Variants in CNTN5 observed in about 807,000 individuals in gnomAD.
CNTN5 encodes contactin 5.
CNTN5 carries 77 observed loss-of-function variants against 129.1 expected under a neutral mutation model. The observed-to-expected ratio is 0.60, with a 90% CI of 0.50 to 0.72. CNTN5 has a LOEUF of 0.72. Ranked by LOEUF, CNTN5 falls within the 30% of genes least tolerant of loss-of-function variation. The pLI, the probability that CNTN5 is intolerant of heterozygous loss-of-function variation, is 0.00. For missense variants in CNTN5, 1,478 were observed against 1,328.8 expected, an observed-to-expected ratio of 1.11 and a Z score of -1.75; for synonymous variants, 509 against 465.6, an observed-to-expected ratio of 1.09 and a Z score of -1.20.
At chr11:100,059,205 C>T (rs764417435) in intron 9 of CNTN5, among the ~76,000 whole-genome samples, 1 of 152,166 alleles carries the variant, frequency 6.6e-6, no homozygotes, top group Non-Finnish European at 1.5e-5. Context: ...TAATCACTTA[C>T]ATTCCCTATG....
rs1167782784 is a variant in CNTN5, at chr11:100,255,870, C to A, written c.2116C>A (p.Leu706Ile). 2 of 1,613,942 alleles carry A rather than the reference C, an allele frequency of 1.2e-6. No homozygotes were observed. The highest frequency in any genetic ancestry group is 2.2e-5 in the South Asian group (2 of 91,076). ...DNHSPISSYN[L>I]QARSPFSLGW... The stretch of plus-strand genomic sequence containing the variant: ...CCACAGCCCAATCTCCTCCTACAAC[C>A]TTCAAGCTCGCAGCCCATTTTCCCT... The change falls in exon 17 of 25, where the codon CTT becomes ATT. Residue 706 changes from leucine to isoleucine, a missense_variant. By Grantham distance (5) the Leu-to-Ile change is conservative (BLOSUM62 2). Transcript: ENST00000524871.
chr11:99,693,959 C>T (rs906488596), intron 3 of CNTN5, among the ~76,000 whole-genome samples: 1 of 151,996 alleles, frequency 6.6e-6, no homozygotes, highest in Non-Finnish European at 1.5e-5. Context: ...TGAGCTGATA[C>T]ATAATGTATA....
At position 99,153,070 on chromosome 11, in the gene CNTN5, T is replaced by A. The variant is rs562004755; in HGVS notation, c.-210+131800T>A. On this transcript the variant is annotated intron_variant, in intron 1 of 24. Coordinates refer to ENST00000524871, the MANE Select transcript of CNTN5 (RefSeq NM_014361.4). ...CCTGCCCCTTCTCTCTAGCTGCCTT[T>A]AACATTTCTTCTTTTGTTTTGACAT... Among the ~76,000 whole-genome samples, 92 of 152,296 alleles carry A rather than the reference T, an allele frequency of 6.0e-4. No individual in the cohort carries two copies. The East Asian group carries it at 0.015, about 26-fold the overall frequency.
intron 3 of CNTN5, among the ~76,000 whole-genome samples, chr11:99,754,934 C>G (rs1944359197): frequency 6.6e-6 from 1 of 152,174 alleles, no homozygotes. Flanking sequence ...CCTCTGCCCC[C>G]AAGCCCTGGC....
intron 1 of CNTN5, among the ~76,000 whole-genome samples, chr11:99,093,200 G>T (rs1187850914): frequency 6.6e-6 from 1 of 151,978 alleles, no homozygotes; most frequent in African/African-American, 2.4e-5. Flanking sequence ...ACACATACAG[G>T]AGTGAAAAGC....
At chr11:99,184,531 A>G (rs997250951) in intron 1 of CNTN5, among the ~76,000 whole-genome samples, 1 of 152,030 alleles carries the variant, frequency 6.6e-6, no homozygotes, top group African/African-American at 2.4e-5. Context: ...TTATTGCAAC[A>G]TTTTATATAG....
intron 15 of CNTN5, among the ~76,000 whole-genome samples, chr11:100,207,358 T>C (rs1948939026): frequency 6.6e-6 from 1 of 152,186 alleles, no homozygotes. Flanking sequence ...ATCTGACTGA[T>C]AATTTTTGAA....
At position 99,957,651 on chromosome 11, in the gene CNTN5, G is replaced by GT. The variant is rs1407758298; in HGVS notation, c.877+645dup. Reference sequence around the variant, plus strand: ...TATTACCATTGATATATGATGTGTAGTTTGCTCTGTCATGCAGCAAAAAAT... The same window carrying GT: ...TATTACCATTGATATATGATGTGTAGTTTTGCTCTGTCATGCAGCAAAAAAT... On this transcript the variant is annotated intron_variant, in intron 8 of 24. Coordinates refer to ENST00000524871, the MANE Select transcript of CNTN5 (RefSeq NM_014361.4). Among the ~76,000 whole-genome samples, 4 of 147,906 alleles carry GT rather than the reference G, an allele frequency of 2.7e-5. No individual in the cohort carries two copies. The Admixed American group carries it at 2.8e-4, about 10-fold the overall frequency.
At chr11:100,255,205 T>C (rs191742265) in intron 16 of CNTN5, among the ~76,000 whole-genome samples, 2 of 152,232 alleles carry the variant, frequency 1.3e-5, no homozygotes, top group Non-Finnish European at 2.9e-5. Context: ...GTCTGGCATA[T>C]GTCCTTACCT....
chr11:99,370,422 A>G (rs1320480933), intron 2 of CNTN5, among the ~76,000 whole-genome samples: 1 of 152,210 alleles, frequency 6.6e-6, no homozygotes, highest in African/African-American at 2.4e-5. Context: ...ACATACTGTA[A>G]TTGCTATGCT....
chr11:99,478,137 C>T (rs2135301117), intron 2 of CNTN5, among the ~76,000 whole-genome samples: 1 of 152,198 alleles, frequency 6.6e-6, no homozygotes, highest in African/African-American at 2.4e-5. Flanking sequence ...TTTATTATCT[C>T]ACAGATTATG....
intron 21 of CNTN5, among the ~76,000 whole-genome samples, chr11:100,315,699 AT>A (rs1205156200): frequency 6.6e-6 from 1 of 152,216 alleles, no homozygotes; most frequent in Admixed American, 6.5e-5. Context: ...AGAAAAAAAA[AT>A]ATGAAATTCC....
chr11:99,174,001 T>TG (rs1337342407), intron 1 of CNTN5, among the ~76,000 whole-genome samples: 2 of 133,794 alleles, frequency 1.5e-5, no homozygotes, highest in African/African-American at 5.6e-5. Context: ...AAAAATGCCT[T>TG]TTGTGTGTGT....
intron 2 of CNTN5, among the ~76,000 whole-genome samples, chr11:99,518,019 T>A (rs2135429980): frequency 6.6e-6 from 1 of 152,202 alleles, no homozygotes; most frequent in Non-Finnish European, 1.5e-5. Context: ...CATTCACCCA[T>A]AACCTAGAAA....
chr11:99,088,779 T>C (rs1166552673), intron 1 of CNTN5, among the ~76,000 whole-genome samples: 1 of 152,204 alleles, frequency 6.6e-6, no homozygotes, highest in Non-Finnish European at 1.5e-5. Context: ...GAGAAATTAA[T>C]AGGATGGAGA....
At chr11:99,148,302 T>C (rs575736371) in intron 1 of CNTN5, among the ~76,000 whole-genome samples, 32 of 152,240 alleles carry the variant, frequency 2.1e-4, no homozygotes, top group Middle Eastern at 3.4e-3. Context: ...TGCTTTCTCC[T>C]CAGTTTTTTT....
chr11:99,168,134 G>A (rs1456264465), intron 1 of CNTN5, among the ~76,000 whole-genome samples: 3 of 152,074 alleles, frequency 2.0e-5, no homozygotes, highest in Non-Finnish European at 2.9e-5. Flanking sequence ...TGTAGCGACA[G>A]ACTTCCACCA....
chr11:99,386,097 T>C (rs1442018148), intron 2 of CNTN5, among the ~76,000 whole-genome samples: 1 of 152,096 alleles, frequency 6.6e-6, no homozygotes, highest in Non-Finnish European at 1.5e-5. Context: ...TGAACCAAAT[T>C]CCAAATTCCA....
rs141053562 is a variant in CNTN5, at chr11:99,803,801, G to A, written c.56-15743G>A. ...GGTTTCACTTACTTTTATGAGCTAC[G>A]TCCCGTTACAGTGCTCTCTTCCCTG... On this transcript the variant is annotated intron_variant, in intron 3 of 24. Coordinates refer to ENST00000524871, the MANE Select transcript of CNTN5 (RefSeq NM_014361.4). 2.7e-4 allele frequency among the ~76,000 whole-genome samples: 41 copies of A among 152,216 alleles called. 1 individual carries two copies. The East Asian group carries it at 6.6e-3, about 24-fold the overall frequency.
Sources: gnomAD v4.1 joint callset for allele counts (sites outside exome capture counted in the v4.1 genomes callset) on GRCh38, gnomAD v4.1.1 for gene constraint, MANE v1.5 for transcripts, NCBI Gene and HGNC (gene_info 2026-07-23, HGNC 2026-07-21) for gene names.